Variants in CACNA1D observed in about 807,000 individuals in gnomAD.
The protein encoded by CACNA1D is calcium voltage-gated channel subunit alpha1 D.
Under a neutral mutation model 257.1 loss-of-function variants are expected in CACNA1D, and 55 were observed. That is an observed-to-expected ratio of 0.21 (90% CI 0.17 to 0.27). The LOEUF (loss-of-function observed/expected upper bound fraction) is 0.27, where lower values mean the gene tolerates loss of function less well. CACNA1D is among the 10% of genes least tolerant of loss of function. CACNA1D has a pLI of 1.00. For missense variants in CACNA1D, 1,876 were observed against 2,784.0 expected, an observed-to-expected ratio of 0.67 and a Z score of 7.34; for synonymous variants, 980 against 1,014.9, an observed-to-expected ratio of 0.97 and a Z score of 0.65.
chr3:53,527,462 A>G (rs538697450), intron 3 of CACNA1D, among the ~76,000 whole-genome samples: 28 of 152,352 alleles, frequency 1.8e-4, no homozygotes, highest in African/African-American at 6.5e-4. Context: ...AAAGGAAATG[A>G]CCTTAGTTTG....
At chr3:53,691,670 A>G (rs1051500146) in intron 8 of CACNA1D, among the ~76,000 whole-genome samples, 1 of 129,778 alleles carries the variant, frequency 7.7e-6, no homozygotes, top group African/African-American at 2.9e-5. Flanking sequence ...GTGTGTGTAT[A>G]TATGTAATAT....
chr3:53,559,506 C>T (rs889634038), intron 3 of CACNA1D, among the ~76,000 whole-genome samples: 4 of 152,152 alleles, frequency 2.6e-5, no homozygotes, highest in Admixed American at 6.5e-5. Flanking sequence ...TCTGACCTGA[C>T]TTCTCTGGGC....
chr3:53,715,994 T>C (rs765836321), intron 9 of CACNA1D, among the ~76,000 whole-genome samples: 2 of 152,272 alleles, frequency 1.3e-5, no homozygotes, highest in South Asian at 2.1e-4. Flanking sequence ...TTCAATCAGA[T>C]TGTTTTTAAA....
chr3:53,497,269 A>C lies in CACNA1D; in HGVS notation c.185A>C (p.Gln62Pro). 6.2e-7 allele frequency: 1 copy of C among 1,614,194 alleles called. No homozygotes were observed. Among genetic ancestry groups the C allele is most frequent in the Non-Finnish European group, 8.5e-7 (1 of 1,180,032 alleles). Residue 62 changes from glutamine (Q) to proline (P), a missense_variant, in exon 2 of 48, where the codon CAG becomes CCG. Gln to Pro is a moderately conservative substitution (Grantham distance 76). Transcript: ENST00000350061. Reference protein sequence around the residue: ...SWQAAIDAARQAKAAQTMSTS... With the variant: ...SWQAAIDAARPAKAAQTMSTS... Reference sequence around the variant, plus strand: ...CAAGCTGCAATCGATGCTGCTAGACAGGCCAAGGCTGCCCAAACTATGAGC... The same window carrying C: ...CAAGCTGCAATCGATGCTGCTAGACCGGCCAAGGCTGCCCAAACTATGAGC...
At chr3:53,594,057 C>T (rs2093341106) in intron 3 of CACNA1D, among the ~76,000 whole-genome samples, 1 of 152,166 alleles carries the variant, frequency 6.6e-6, no homozygotes, top group Non-Finnish European at 1.5e-5. Context: ...CCAGGCCTGG[C>T]AGAGTCTGAC....
intron 8 of CACNA1D, among the ~76,000 whole-genome samples, chr3:53,700,668 A>G (rs1468086365): frequency 6.6e-6 from 1 of 152,104 alleles, no homozygotes; most frequent in Non-Finnish European, 1.5e-5. Flanking sequence ...AGGTCAGAGC[A>G]CGTGTCTGGG....
At chr3:53,520,890 CTTTCTTTTCTTTTCT>C (rs777679306) in intron 3 of CACNA1D, among the ~76,000 whole-genome samples, 1,795 of 120,544 alleles carry the variant, frequency 0.015, 24 homozygotes, top group African/African-American at 0.024. Context: ...TTCTTTCTTT[CTTTCTTTTCTTTTCT>C]TTTCTTTTCT....
intron 3 of CACNA1D, among the ~76,000 whole-genome samples, chr3:53,508,174 G>C (rs982061151): frequency 6.6e-6 from 1 of 152,020 alleles, no homozygotes; most frequent in Non-Finnish European, 1.5e-5. Flanking sequence ...TTAAGTTCCG[G>C]GATACATGTG....
intron 3 of CACNA1D, among the ~76,000 whole-genome samples, chr3:53,587,932 T>G (rs1242075637): frequency 2.6e-5 from 4 of 152,162 alleles, no homozygotes; most frequent in Non-Finnish European, 4.4e-5. Context: ...CTCTGTAGAA[T>G]TGCTTCCTTA....
At chr3:53,788,763 G>A (rs563122240) in intron 40 of CACNA1D, among the ~76,000 whole-genome samples, 1 of 152,238 alleles carries the variant, frequency 6.6e-6, no homozygotes, top group African/African-American at 2.4e-5. Flanking sequence ...AACTTTTCTG[G>A]AGGGAGGAAC....
intron 3 of CACNA1D, among the ~76,000 whole-genome samples, chr3:53,572,362 GTT>G (rs1451533456): frequency 4.4e-5 from 2 of 45,550 alleles, no homozygotes; most frequent in South Asian, 1.6e-3. Flanking sequence ...CCTCTGGTTT[GTT>G]TGTTTGTTTG....
At chr3:53,749,164 G>A (rs1559619723) in intron 26 of CACNA1D, 104 bp from the exon 27 acceptor site, 2 of 799,234 alleles carry the variant, frequency 2.5e-6, no homozygotes, top group Non-Finnish European at 4.3e-6. Context: ...CCCAGCGAGT[G>A]CTCATGAGAG....
intron 3 of CACNA1D, among the ~76,000 whole-genome samples, chr3:53,566,504 C>T (rs2092840903): frequency 1.3e-5 from 2 of 152,216 alleles, no homozygotes; most frequent in Admixed American, 6.5e-5. Flanking sequence ...CCCTGAGTTC[C>T]TACATGGCAC....
chr3:53,533,690 T>A (rs1012371213), intron 3 of CACNA1D, among the ~76,000 whole-genome samples: 5 of 152,186 alleles, frequency 3.3e-5, no homozygotes, highest in African/African-American at 1.2e-4. Context: ...CCACGGCTGC[T>A]ATGGCCGTGG....
At chr3:53,664,302 C>T (rs2094237659) in intron 5 of CACNA1D, among the ~76,000 whole-genome samples, 1 of 152,116 alleles carries the variant, frequency 6.6e-6, no homozygotes, top group Non-Finnish European at 1.5e-5. Context: ...TGGTGTGCTC[C>T]ATAGGTACCT....
intron 29 of CACNA1D, among the ~76,000 whole-genome samples, chr3:53,758,624 G>T (rs986527370): frequency 7.2e-5 from 11 of 152,300 alleles, no homozygotes; most frequent in African/African-American, 2.4e-4. Context: ...ACATTAGTCT[G>T]GTTTATGATT....
intron 9 of CACNA1D, among the ~76,000 whole-genome samples, chr3:53,717,223 C>G (rs901479096): frequency 9.2e-5 from 14 of 152,244 alleles, no homozygotes; most frequent in African/African-American, 2.7e-4. Context: ...TCTTTTACCT[C>G]TGCACCCCGG....
At position 53,722,352 on chromosome 3, in the gene CACNA1D, G is replaced by T; in HGVS notation, c.1544G>T (p.Arg515Ile). The change falls in exon 12 of 48, where the codon AGA becomes ATA. Residue 515 changes from arginine (R) to isoleucine (I), a missense_variant. Transcript: ENST00000350061. The part of the protein sequence containing the change: ...WRRWNRFNRR[R>I]CRAAVKSVTF... ...CGCTGGAACCGATTCAATCGCAGAA[G>T]ATGTAGGGCCGCCGTGAAGTCTGTC... 1 of 1,614,236 alleles carries T rather than the reference G, an allele frequency of 6.2e-7. No individual in the cohort carries two copies. Among genetic ancestry groups the T allele is most frequent in the Non-Finnish European group, 8.5e-7 (1 of 1,180,044 alleles).
chr3:53,633,089 C>A (rs902942843), intron 3 of CACNA1D, among the ~76,000 whole-genome samples: 1 of 152,188 alleles, frequency 6.6e-6, no homozygotes, highest in Non-Finnish European at 1.5e-5. Context: ...GTGTGAAGTA[C>A]AATAAAATGA....
Sources: gnomAD v4.1 joint callset for allele counts (sites outside exome capture counted in the v4.1 genomes callset) on GRCh38, gnomAD v4.1.1 for gene constraint, MANE v1.5 for transcripts, NCBI Gene and HGNC (gene_info 2026-07-23, HGNC 2026-07-21) for gene names.